Variants in IQCM observed in about 807,000 individuals in gnomAD.
IQCM encodes IQ domain-containing protein M.
Under a neutral mutation model 57.6 loss-of-function variants are expected in IQCM, and 45 were observed. That is an observed-to-expected ratio of 0.78 (90% CI 0.62 to 1.00). The LOEUF is 1.00. Among genes scored for constraint, IQCM ranks in the 50% least tolerant of loss-of-function variants. IQCM has a pLI of 0.00. For missense variants in IQCM, 468 were observed against 511.6 expected (o/e 0.91, Z 0.82); for synonymous variants, 148 against 158.9 (o/e 0.93, Z 0.51).
chr4:149,783,267 A>T (rs1374455736), intron 2 of IQCM, among the ~76,000 whole-genome samples: 1 of 152,156 alleles, frequency 6.6e-6, no homozygotes, highest in Non-Finnish European at 1.5e-5. Context: ...CATTTCTTCA[A>T]TTTTCTTAGG....
intron 12 of IQCM, among the ~76,000 whole-genome samples, chr4:149,448,747 T>C (rs1380811693): frequency 6.6e-6 from 1 of 151,722 alleles, no homozygotes; most frequent in Non-Finnish European, 1.5e-5. Flanking sequence ...AATTGACAAA[T>C]TCTTTGAAAG....
chr4:149,722,550 T>A (rs1765540712), intron 5 of IQCM, among the ~76,000 whole-genome samples: 1 of 152,106 alleles, frequency 6.6e-6, no homozygotes, highest in Admixed American at 6.6e-5. Flanking sequence ...AGGGTGTCCT[T>A]TCTCCAGTGT....
intron 8 of IQCM, among the ~76,000 whole-genome samples, chr4:149,598,062 T>C (rs142868861): frequency 5.3e-5 from 8 of 152,256 alleles, no homozygotes; most frequent in East Asian, 3.9e-4. Flanking sequence ...TAAGAAAGTA[T>C]GGTTGAGAGG....
At chr4:149,657,341 G>A (rs189355442) in intron 7 of IQCM, among the ~76,000 whole-genome samples, 16 of 152,166 alleles carry the variant, frequency 1.1e-4, no homozygotes, top group Admixed American at 3.9e-4. Context: ...CACAAATGAC[G>A]GGATTCATTC....
At chr4:149,709,248 T>C (rs1032735909) in intron 5 of IQCM, among the ~76,000 whole-genome samples, 1 of 152,114 alleles carries the variant, frequency 6.6e-6, no homozygotes, top group East Asian at 1.9e-4. Context: ...GGTAAATGTA[T>C]CATACTAAGC....
At chr4:149,769,767 A>G (rs1005567317) in intron 2 of IQCM, among the ~76,000 whole-genome samples, 2 of 151,570 alleles carry the variant, frequency 1.3e-5, no homozygotes, top group Non-Finnish European at 3.0e-5. Flanking sequence ...GCACCTAATA[A>G]CAGAGCTTGA....
chr4:149,512,655 C>A (rs1231890654), intron 12 of IQCM, among the ~76,000 whole-genome samples: 1 of 152,126 alleles, frequency 6.6e-6, no homozygotes, highest in Non-Finnish European at 1.5e-5. Flanking sequence ...TATGACCCAG[C>A]AGCTCATATT....
At chr4:149,675,647 C>G in intron 7 of IQCM, among the ~76,000 whole-genome samples, 1 of 151,906 alleles carries the variant, frequency 6.6e-6, no homozygotes, top group African/African-American at 2.4e-5. Flanking sequence ...CGCAGGTACC[C>G]TGGAAGTCCT....
At chr4:149,653,277 C>T (rs1313159655) in intron 7 of IQCM, among the ~76,000 whole-genome samples, 1 of 152,080 alleles carries the variant, frequency 6.6e-6, no homozygotes, top group African/African-American at 2.4e-5. Flanking sequence ...ACCTCCATTG[C>T]ACGTTTCCTT....
At chr4:149,363,301 A>T (rs1383467575) in intron 13 of IQCM, among the ~76,000 whole-genome samples, 1 of 152,154 alleles carries the variant, frequency 6.6e-6, no homozygotes, top group East Asian at 1.9e-4. Flanking sequence ...TGAGCTTCAG[A>T]GTGACAGCAT....
At chr4:149,735,736 G>T (rs1766876206) in intron 3 of IQCM, among the ~76,000 whole-genome samples, 1 of 152,054 alleles carries the variant, frequency 6.6e-6, no homozygotes, top group African/African-American at 2.4e-5. Flanking sequence ...AACATGTTTT[G>T]GGCACAAAAG....
intron 5 of IQCM, among the ~76,000 whole-genome samples, chr4:149,688,779 G>C (rs1385813269): frequency 6.6e-6 from 1 of 151,928 alleles, no homozygotes; most frequent in Non-Finnish European, 1.5e-5. Flanking sequence ...GAACAGAAGA[G>C]AGAACCCAGA....
intron 7 of IQCM, among the ~76,000 whole-genome samples, chr4:149,658,842 C>A (rs972814729): frequency 6.6e-6 from 1 of 152,012 alleles, no homozygotes; most frequent in African/African-American, 2.4e-5. Flanking sequence ...TGAAACTTTA[C>A]TGAATTCATT....
intron 13 of IQCM, among the ~76,000 whole-genome samples, chr4:149,390,251 TTTAA>T (rs1357750571): frequency 6.6e-6 from 1 of 152,070 alleles, no homozygotes; most frequent in Non-Finnish European, 1.5e-5. Flanking sequence ...AATTTTGTTG[TTTAA>T]TTACTAATTA....
intron 2 of IQCM, among the ~76,000 whole-genome samples, chr4:149,788,121 G>A (rs1476106082): frequency 1.3e-5 from 2 of 152,180 alleles, no homozygotes; most frequent in Admixed American, 6.5e-5. Flanking sequence ...ATCACCTGAG[G>A]TCAGGAGTTC....
Position 149,517,863 on chromosome 4 carries a change from T to C in IQCM, c.1228+30592A>G, listed in dbSNP as rs186293718. Among the ~76,000 whole-genome samples the C allele has an allele frequency of 1.8e-3, 281 of 152,314 alleles. 1 individual carries two copies. The highest frequency in any genetic ancestry group is 0.01 in the Middle Eastern group (3 of 294). ...ACTCCAAGTTCTTCAGCTTTGGGAC[T>C]TGGACTGGCTTCCTTGCTCCTCAGC... On this transcript the variant is annotated intron_variant, in intron 12 of 13. Transcript: ENST00000636793.
intron 13 of IQCM, among the ~76,000 whole-genome samples, chr4:149,392,712 G>A (rs1050643393): frequency 2.0e-5 from 3 of 151,830 alleles, no homozygotes; most frequent in African/African-American, 7.3e-5. Context: ...CTTTGCCAAG[G>A]GATTTATAAA....
At chr4:149,364,453 G>A (rs1429387938) in intron 13 of IQCM, among the ~76,000 whole-genome samples, 1 of 152,162 alleles carries the variant, frequency 6.6e-6, no homozygotes, top group Non-Finnish European at 1.5e-5. Flanking sequence ...AGGATAAGAA[G>A]AGGACAGAGT....
At chr4:149,786,130 T>C (rs1032175567) in intron 2 of IQCM, among the ~76,000 whole-genome samples, 1 of 152,176 alleles carries the variant, frequency 6.6e-6, no homozygotes, top group African/African-American at 2.4e-5. Context: ...TAAGAAACAT[T>C]TCTGGACTTT....
Sources: allele counts gnomAD v4.1 joint callset (sites outside exome capture counted in the v4.1 genomes callset), GRCh38; gene constraint gnomAD v4.1.1; transcripts MANE v1.5; gene names NCBI Gene and HGNC (gene_info 2026-07-23, HGNC 2026-07-21).